The following SETD2 variants were observed in gnomAD, a reference collection of about 807,000 sequenced individuals.
The protein encoded by SETD2 is SET domain containing 2, histone lysine methyltransferase.
In SETD2, 31 loss-of-function variants were observed where a neutral mutation model predicts 242.1. The ratio of observed to expected loss-of-function variants is 0.13; its 90% confidence interval spans 0.10 to 0.17. The LOEUF is 0.17. Among genes scored for constraint, SETD2 ranks in the 10% least tolerant of loss-of-function variants. The pLI is 1.00. For missense variants in SETD2, 2,481 were observed against 3,046.3 expected (o/e 0.81, Z 4.37); for synonymous variants, 1,006 against 1,066.5 (o/e 0.94, Z 1.11).
chr3:47,081,145 A>T, intron 12 of SETD2: 1 of 917,934 alleles, frequency 1.1e-6, no homozygotes, highest in Non-Finnish European at 1.3e-6. Context: ...GACAAAGAGT[A>T]ATTCATGAAG....
chr3:47,022,473 A>T (rs2038275441), intron 18 of SETD2, among the ~76,000 whole-genome samples: 1 of 152,200 alleles, frequency 6.6e-6, no homozygotes, highest in Non-Finnish European at 1.5e-5. Context: ...ACTGCACTCC[A>T]GCCTGGGCAA....
intron 1 of SETD2, chr3:47,138,267 C>CAGTCAAGCCT (rs2043639903): frequency 3.4e-6 from 1 of 295,864 alleles, no homozygotes; most frequent in Non-Finnish European, 7.0e-6. Context: ...CCACCGCGCC[C>CAGTCAAGCCT]GGCCCACTTT....
At chr3:47,065,729 G>A (rs183364533) in intron 13 of SETD2, among the ~76,000 whole-genome samples, 219 of 152,286 alleles carry the variant, frequency 1.4e-3, no homozygotes, top group African/African-American at 5.1e-3. Context: ...CCTGAGCCCA[G>A]GAGTTCAAGG....
intron 18 of SETD2, among the ~76,000 whole-genome samples, chr3:47,035,003 A>T (rs1389906351): frequency 1.3e-5 from 2 of 152,226 alleles, no homozygotes; most frequent in African/African-American, 2.4e-5. Flanking sequence ...CCTACTCCCC[A>T]GGCACACATG....
chr3:47,156,691 T>A (rs1345465607), intron 1 of SETD2, among the ~76,000 whole-genome samples: 2 of 152,088 alleles, frequency 1.3e-5, no homozygotes, highest in Non-Finnish European at 2.9e-5. Flanking sequence ...GCACCATACC[T>A]CCATCACTAC....
intron 2 of SETD2, 35 bp from the exon 3 acceptor site, chr3:47,124,583 A>G: frequency 1.3e-6 from 2 of 1,486,260 alleles, no homozygotes; most frequent in Non-Finnish European, 1.8e-6. Context: ...TACTACTACA[A>G]TAAATAGTTA....
rs138673460 is a variant in SETD2, at chr3:47,018,122, C to T, written c.7432-383G>A. Among the ~76,000 whole-genome samples the T allele has an allele frequency of 1.2e-3, 182 of 152,268 alleles. No homozygotes were observed. In the Middle Eastern group the frequency reaches 0.017, roughly 14 times the overall value. The stretch of plus-strand genomic sequence containing the variant: ...GGCAAGGCAGAGCACAGCAGGTGTT[C>T]CAGAGCTTCTATGAGGCTTAGCAAT... On this transcript the variant is annotated intron_variant, in intron 19 of 20. Coordinates refer to ENST00000409792, the MANE Select transcript of SETD2 (RefSeq NM_014159.7).
rs2106692172 is a variant in SETD2 at position 47,122,977 on chromosome 3, G to T, written c.1659C>A (p.Ser553=). The T allele has an allele frequency of 6.2e-7, 1 of 1,613,880 alleles. No individual in the cohort carries two copies. The highest frequency in any genetic ancestry group is 8.5e-7 in the Non-Finnish European group (1 of 1,179,770). The change falls in exon 3 of 21, where the codon TCC becomes TCA. Residue 553 remains serine, a synonymous_variant. Transcript: ENST00000409792. ...GTTTTGAAAGGGTAGATTTATAACG[G>T]GAAGCACTACTGTCATGCTTAGAAT... ...SSYSKHDSSA[S]RYKSTLSKPI...
chr3:47,042,688 C>T lies in SETD2; in HGVS notation c.7111G>A (p.Val2371Met), dbSNP rs772953443. The change falls in exon 17 of 21, where the codon GTG becomes ATG. Residue 2371 changes from valine to methionine, a missense_variant. Coordinates refer to ENST00000409792, the MANE Select transcript of SETD2 (RefSeq NM_014159.7). ...PQPLQPSEMV[V>M]TNNLLDLPPP... ...GGCAGATCCAAGAGATTATTTGTCA[C>T]AACCATTTCAGACTACAAAGAAAAC... The T allele has an allele frequency of 1.2e-6, 2 of 1,605,414 alleles. No individual in the cohort carries two copies. Among genetic ancestry groups the T allele is most frequent in the Non-Finnish European group, 1.7e-6 (2 of 1,176,450 alleles).
rs193243348 is a variant in SETD2, at chr3:47,052,840, C to T, written c.6963+3981G>A. ...CCAAAAATAAAAAAAAATTGTTACACGAATGCTAGTTTCTCAAATATATAC... is the reference window on the plus strand; with the variant it reads ...CCAAAAATAAAAAAAAATTGTTACATGAATGCTAGTTTCTCAAATATATAC... On this transcript the variant is annotated intron_variant, in intron 15 of 20. Coordinates refer to ENST00000409792, the MANE Select transcript of SETD2 (RefSeq NM_014159.7). Among the ~76,000 whole-genome samples, 300 of 151,914 alleles carry T rather than the reference C, an allele frequency of 2.0e-3. 3 individuals carry two copies. Among genetic ancestry groups the T allele is most frequent in the African/African-American group, 6.6e-3 (273 of 41,450 alleles).
intron 9 of SETD2, 118 bp from the exon 10 acceptor site, chr3:47,088,365 C>A (rs2107652730): frequency 1.1e-6 from 1 of 943,514 alleles, no homozygotes; most frequent in Non-Finnish European, 1.6e-6. Flanking sequence ...GAAGACCAAA[C>A]TGGGAAAGTA....
intron 18 of SETD2, among the ~76,000 whole-genome samples, chr3:47,023,445 T>A (rs1315445143): frequency 6.6e-6 from 1 of 151,994 alleles, no homozygotes; most frequent in East Asian, 1.9e-4. Context: ...ATGTAAATCA[T>A]TCAGTGAGGA....
chr3:47,019,201 A>G (rs1008705722), intron 19 of SETD2, among the ~76,000 whole-genome samples: 1 of 152,230 alleles, frequency 6.6e-6, no homozygotes, highest in East Asian at 1.9e-4. Flanking sequence ...ACCAAATGAG[A>G]TATTACAGAA....
chr3:47,089,423 G>A (rs2041702955), intron 9 of SETD2, among the ~76,000 whole-genome samples: 1 of 152,054 alleles, frequency 6.6e-6, no homozygotes, highest in Non-Finnish European at 1.5e-5. Flanking sequence ...CTCCAGCCTG[G>A]GTGACACAGT....
chr3:47,105,695 GA>G, intron 6 of SETD2: 1 of 447,952 alleles, frequency 2.2e-6, no homozygotes, highest in Non-Finnish European at 4.4e-6. Flanking sequence ...GTGAGGTCAG[GA>G]GATCGAGACC....
chr3:47,085,642 T>C (rs1405797392), intron 11 of SETD2, among the ~76,000 whole-genome samples: 2 of 152,222 alleles, frequency 1.3e-5, no homozygotes, highest in African/African-American at 4.8e-5. Context: ...TTTTATTAAA[T>C]AAAAGACTCT....
At chr3:47,048,022 G>T (rs915832026) in intron 15 of SETD2, among the ~76,000 whole-genome samples, 2 of 152,148 alleles carry the variant, frequency 1.3e-5, no homozygotes, top group African/African-American at 4.8e-5. Context: ...CTGTAATAAA[G>T]ACTTGTAAGC....
At chr3:47,078,906 T>A (rs1457166671) in intron 12 of SETD2, among the ~76,000 whole-genome samples, 1 of 152,014 alleles carries the variant, frequency 6.6e-6, no homozygotes, top group Non-Finnish European at 1.5e-5. Context: ...AATTTTTTAG[T>A]TTTTGTAGAG....
intron 1 of SETD2, among the ~76,000 whole-genome samples, chr3:47,157,153 C>G (rs540841131): frequency 6.6e-6 from 1 of 152,188 alleles, no homozygotes; most frequent in Admixed American, 6.5e-5. Flanking sequence ...GTCCCCGCTA[C>G]TCAGAAGGCT....
Sources: gnomAD v4.1 joint callset for allele counts (sites outside exome capture counted in the v4.1 genomes callset) on GRCh38, gnomAD v4.1.1 for gene constraint, MANE v1.5 for transcripts, NCBI Gene and HGNC (gene_info 2026-07-23, HGNC 2026-07-21) for gene names.